Variants in LONP1 observed in about 807,000 individuals in gnomAD.
LONP1 encodes the protein lon peptidase 1, mitochondrial.
A neutral mutation model predicts 98.5 loss-of-function variants in LONP1; 31 were observed. The ratio of observed to expected loss-of-function variants is 0.31; its 90% CI spans 0.24 to 0.42. The LOEUF (loss-of-function observed/expected upper bound fraction) is 0.42, where lower values mean the gene tolerates loss of function less well. Among genes scored for constraint, LONP1 ranks in the 20% least tolerant of loss-of-function variants. The probability of loss-of-function intolerance (pLI) is 1.00; values close to 1 mark genes in which losing one functional copy is unlikely to be tolerated. For synonymous variants in LONP1, 781 were observed against 594.7 expected, an observed-to-expected ratio of 1.31 and a Z score of -4.56; for missense variants, 1,336 against 1,350.6, an observed-to-expected ratio of 0.99 and a Z score of 0.17.
intron 3 of LONP1, 185 bp from the exon 4 acceptor site, chr19:5,712,187 G>A: frequency 1.7e-6 from 1 of 579,396 alleles, no homozygotes; most frequent in South Asian, 2.3e-5. Flanking sequence ...CCCAACCAGT[G>A]TCCCCTCCAC....
chr19:5,711,034 G>GA (rs1302257385), intron 4 of LONP1, among the ~76,000 whole-genome samples: 22 of 147,478 alleles, frequency 1.5e-4, no homozygotes, highest in Admixed American at 1.5e-3. Flanking sequence ...CTCAAAAAAA[G>GA]AAAGAAAAAA....
chr19:5,720,223 T>C (rs907238856), upstream of LONP1: 25 of 1,380,640 alleles, frequency 1.8e-5, no homozygotes, highest in African/African-American at 2.8e-4. Context: ...CGGTACCCGA[T>C]GGGCGCGTGG....
chr19:5,702,743 T>A (rs1198965500), intron 8 of LONP1, among the ~76,000 whole-genome samples: 1 of 151,832 alleles, frequency 6.6e-6, no homozygotes, highest in Non-Finnish European at 1.5e-5. Context: ...CTCTGAAACA[T>A]GTGCTGTGTC....
intron 3 of LONP1, chr19:5,712,406 G>A (rs946643063): frequency 5.9e-5 from 11 of 186,312 alleles, no homozygotes; most frequent in Admixed American, 3.4e-4. Context: ...TTCAGGTCTC[G>A]ATTTCAAGGA....
intron 8 of LONP1, among the ~76,000 whole-genome samples, chr19:5,703,092 A>C (rs1027798179): frequency 6.6e-6 from 1 of 151,504 alleles, no homozygotes; most frequent in African/African-American, 2.4e-5. Context: ...GAGGCAGGAG[A>C]ATGGCATGAA....
intron 14 of LONP1, 101 bp from the exon 15 acceptor site, chr19:5,694,653 G>GGGGTGATGGGCGCGGGGTGGT: frequency 6.4e-7 from 1 of 1,564,066 alleles, no homozygotes. Context: ...GCGGGGTGGT[G>GGGGTGATGGGCGCGGGGTGGT]GGGTGATGGG....
intron 10 of LONP1, among the ~76,000 whole-genome samples, chr19:5,698,364 ACTCGG>A (rs1171036060): frequency 8.5e-5 from 13 of 152,078 alleles, no homozygotes; most frequent in Non-Finnish European, 1.8e-4. Flanking sequence ...GATGCCTCAC[ACTCGG>A]CTCTCACTGA....
At position 5,693,319 on chromosome 19, in the gene LONP1, G is replaced by A; in HGVS notation, c.2682C>T (p.Gly894=). 7 of 1,612,558 alleles carry A rather than the reference G, an allele frequency of 4.3e-6. No homozygotes were observed. The highest frequency in any genetic ancestry group is 5.9e-6 in the Non-Finnish European group (7 of 1,179,182). ...TCACCGCAATGGTCTTCTCCTTGAT[G>A]CCACCAACAGGCAGGATCTTGCCCG... ...SLTGKILPVG[G]IKEKTIAAKR... Residue 894 remains glycine, a synonymous_variant, in exon 17 of 18, where the codon GGC becomes GGT. Transcript: ENST00000360614.
chr19:5,712,075 T>A, intron 3 of LONP1, 73 bp from the exon 4 acceptor site: 1 of 1,263,054 alleles, frequency 7.9e-7, no homozygotes, highest in Non-Finnish European at 1.1e-6. Context: ...GCCTCCCTGG[T>A]GGCACAGGTG....
chr19:5,707,894 G>T, intron 5 of LONP1, 68 bp from the exon 6 acceptor site: 1 of 1,575,680 alleles, frequency 6.3e-7, no homozygotes, highest in Non-Finnish European at 8.7e-7. Context: ...GCCCCCAAAC[G>T]GGGACCCGGT....
rs3082272 is a variant in LONP1 at position 5,716,259 on chromosome 19, CATATATATATATATATATATATATAT to C, written c.430-2014_430-1989del. On this transcript the variant is annotated intron_variant, in intron 1 of 17. Coordinates refer to ENST00000360614, the MANE Select transcript of LONP1 (RefSeq NM_004793.4). ...TATTATATAATAAAGTTAAAATATA[CATATATATATATATATATATATATAT>C]ATATATATATATATAGTAATGGCCC... Among the ~76,000 whole-genome samples, 69 of 77,222 alleles carry C rather than the reference CATATATATATATATATATATATATAT, an allele frequency of 8.9e-4. 1 individual carries two copies. Among genetic ancestry groups the C allele is most frequent in the Middle Eastern group, 7.9e-3 (1 of 126 alleles). 50.7% of individuals were successfully genotyped at this position (77,222 alleles called of 152,430 possible).
intron 10 of LONP1, among the ~76,000 whole-genome samples, chr19:5,697,302 G>A (rs922863749): frequency 2.0e-5 from 3 of 151,918 alleles, no homozygotes; most frequent in African/African-American, 4.8e-5. Context: ...CCACTGGGAT[G>A]TGTGTGACAC....
At chr19:5,715,641 C>A (rs1161499719) in intron 1 of LONP1, among the ~76,000 whole-genome samples, 27 of 36,298 alleles carry the variant, frequency 7.4e-4, no homozygotes, top group African/African-American at 3.7e-3. Flanking sequence ...GACTCTGTCT[C>A]ATAAAAAAAA....
chr19:5,708,003 T>A, intron 5 of LONP1, 177 bp from the exon 6 acceptor site: 1 of 735,088 alleles, frequency 1.4e-6, no homozygotes, highest in Non-Finnish European at 2.2e-6. Flanking sequence ...GGCCCACCCG[T>A]CCTGGGCTGG....
chr19:5,701,974 C>A (rs1162791840), intron 8 of LONP1, among the ~76,000 whole-genome samples: 1 of 150,442 alleles, frequency 6.6e-6, no homozygotes, highest in Non-Finnish European at 1.5e-5. Flanking sequence ...GCGTCTCTGC[C>A]CGGCAGCCCT....
Position 5,699,085 on chromosome 19 carries a change from C to T in LONP1, c.1627G>A (p.Glu543Lys), listed in dbSNP as rs2054995056. 6.2e-7 allele frequency: 1 copy of T among 1,608,202 alleles called. No individual in the cohort carries two copies. Residue 543 changes from glutamate (E) to lysine (K), a missense_variant, in exon 10 of 18, where the codon GAG (glutamate) becomes AAG (lysine). Around this residue, in one of 5 missense-constraint regions of LONP1, gnomAD observed 219 missense variants for 241.0 expected, o/e 0.91. Transcript: ENST00000360614. ...ARSIARALNREYFRFSVGGMT... is the reference protein window; with the variant it reads ...ARSIARALNRKYFRFSVGGMT... ...CCCCCGACGCTGAAGCGGAAGTACT[C>T]TCGGTTCAGGGCGCGGGCGATGGAG...
intron 10 of LONP1, among the ~76,000 whole-genome samples, chr19:5,698,222 G>T (rs577612288): frequency 1.3e-5 from 2 of 152,150 alleles, no homozygotes; most frequent in African/African-American, 2.4e-5. Context: ...TGCAGCGGGC[G>T]GGCAGATGCT....
chr19:5,698,217 C>T (rs949638502), intron 10 of LONP1, among the ~76,000 whole-genome samples: 4 of 152,198 alleles, frequency 2.6e-5, no homozygotes, highest in Middle Eastern at 3.4e-3. Context: ...ACCCTTGCAG[C>T]GGGCGGGCAG....
At chr19:5,692,814 G>T (rs2054852376) in intron 17 of LONP1, among the ~76,000 whole-genome samples, 1 of 152,138 alleles carries the variant, frequency 6.6e-6, no homozygotes, top group Non-Finnish European at 1.5e-5. Flanking sequence ...CTCCCTCGTG[G>T]TGGCATCTCC....
Sources: gnomAD v4.1 joint callset for allele counts (sites outside exome capture counted in the v4.1 genomes callset) on GRCh38, gnomAD v4.1.1 for gene constraint, gnomAD v4.1.1 regional missense constraint, MANE v1.5 for transcripts, NCBI Gene and HGNC (gene_info 2026-07-23, HGNC 2026-07-21) for gene names.